ACAP1: variants seen among roughly 807,000 people sequenced by gnomAD.
ACAP1 encodes the protein ArfGAP with coiled-coil, ankyrin repeat and PH domains 1, also known as arf-GAP with coiled-coil, ANK repeat and PH domain-containing protein 1.
In ACAP1, 45 loss-of-function variants were observed where a neutral mutation model predicts 98.8. That is an observed-to-expected ratio of 0.46 (90% CI 0.36 to 0.58). The LOEUF is 0.58. Ranked by LOEUF, ACAP1 falls within the 20% of genes least tolerant of loss-of-function variation. The pLI is 0.00. For synonymous variants in ACAP1, 362 were observed against 375.3 expected, an observed-to-expected ratio of 0.96 and a Z score of 0.41; for missense variants, 735 against 971.4, an observed-to-expected ratio of 0.76 and a Z score of 3.24.
At position 7,337,380 on chromosome 17, in the gene ACAP1, C is replaced by T; in HGVS notation, c.111+11C>T. The T allele has an allele frequency of 1.9e-6, 3 of 1,613,718 alleles. No homozygotes were observed. Among genetic ancestry groups the T allele is most frequent in the Non-Finnish European group, 2.5e-6 (3 of 1,179,644 alleles). ...ACCCGTCTGGAAAAGGTGACCCTGA[C>T]ATGGAGAGGTGACCCAGGAGTGGAT... is the stretch of plus-strand genomic sequence containing the variant. On this transcript the variant is annotated intron_variant, in intron 2 of 21. Coordinates refer to ENST00000158762, the MANE Select transcript of ACAP1 (RefSeq NM_014716.4).
chr17:7,349,924 C>G (rs779195821), intron 18 of ACAP1, 21 bp from the exon 19 acceptor site: 11 of 1,576,218 alleles, frequency 7.0e-6, no homozygotes, highest in Non-Finnish European at 8.6e-6. Context: ...CTCAACCCCC[C>G]TTCTCGACTT....
Position 7,350,725 on chromosome 17 carries a change from C to T in ACAP1, c.2073-225C>T, listed in dbSNP as rs2073398732. On this transcript the variant is annotated intron_variant, in intron 20 of 21. Coordinates refer to ENST00000158762, the MANE Select transcript of ACAP1 (RefSeq NM_014716.4). This position sits in a 1 kb window ranked among gnomAD's most constrained non-coding sequence, Gnocchi z 4.6. Reference sequence around the variant, plus strand: ...CCGGGTTCAAGCGATTCTCCTGTCTCAGCCTCCCCTGAGTAGCTGGGACTA... The same window carrying T: ...CCGGGTTCAAGCGATTCTCCTGTCTTAGCCTCCCCTGAGTAGCTGGGACTA... The T allele has an allele frequency of 4.0e-6, 2 of 505,120 alleles. No individual in the cohort carries two copies. The highest frequency in any genetic ancestry group is 4.1e-5 in the South Asian group (2 of 48,352). 31.3% of individuals were successfully genotyped at this position (505,120 alleles called of 1,614,324 possible).
At chr17:7,351,175 G>T in intron 21 of ACAP1, 120 bp from the exon 22 acceptor site, 1 of 1,099,324 alleles carries the variant, frequency 9.1e-7, no homozygotes. Context: ...CGCAGTGCCC[G>T]CGGCGCGCAC....
At chr17:7,342,188 C>A in intron 3 of ACAP1, 87 bp from the exon 4 acceptor site, 1 of 1,605,032 alleles carries the variant, frequency 6.2e-7, no homozygotes, top group Non-Finnish European at 8.5e-7. Context: ...GGCTGCTGTC[C>A]ATGACAGCCG....
chr17:7,346,597 AT>A (rs1268645585), intron 12 of ACAP1, 106 bp downstream of exon 12: 7 of 1,238,658 alleles, frequency 5.7e-6, no homozygotes, highest in Non-Finnish European at 7.9e-6. Context: ...CCAGACTTTA[AT>A]TTAATTCTTT....
chr17:7,346,406 G>T lies in ACAP1; in HGVS notation c.922G>T (p.Val308Leu), dbSNP rs756746860. 1 of 1,614,040 alleles carries T rather than the reference G, an allele frequency of 6.2e-7. No homozygotes were observed. The highest frequency in any genetic ancestry group is 1.3e-5 in the African/African-American group (1 of 75,036). Reference sequence around the variant, plus strand: ...ATCCTGCCAGGACCCTGTGACTGTGGTGGTGGATGACCTTCGTCTCTGCAC... The same window carrying T: ...ATCCTGCCAGGACCCTGTGACTGTGTTGGTGGATGACCTTCGTCTCTGCAC... Reference protein sequence around the residue: ...QKKYKDPVTVVVDDLRLCTVK... With the variant: ...QKKYKDPVTVLVDDLRLCTVK... The change falls in exon 12 of 22, where the codon GTG becomes TTG. Residue 308 changes from valine (V) to leucine (L), a missense_variant. Physicochemically the swap from Val to Leu is conservative, Grantham distance 32. Around this residue, in one of 5 missense-constraint regions of ACAP1, gnomAD observed 430 missense variants for 531.8 expected, o/e 0.81. Coordinates refer to ENST00000158762, the MANE Select transcript of ACAP1 (RefSeq NM_014716.4).
chr17:7,339,907 A>T (rs561032160), intron 2 of ACAP1, among the ~76,000 whole-genome samples: 1 of 152,056 alleles, frequency 6.6e-6, no homozygotes, highest in South Asian at 2.1e-4. Context: ...AATGTTCCAT[A>T]TATAGAATCA....
intron 1 of ACAP1, 148 bp from the exon 2 acceptor site, chr17:7,337,164 G>A: frequency 1.3e-6 from 1 of 753,808 alleles, no homozygotes; most frequent in Non-Finnish European, 2.3e-6. Context: ...TGCAGAGCGG[G>A]CAGAGCACAA....
rs1054037387 is a variant in ACAP1 at position 7,350,564 on chromosome 17, G to A, written c.2072+327G>A. 4.5e-6 allele frequency: 2 copies of A among 447,444 alleles called. No homozygotes were observed. The highest frequency in any genetic ancestry group is 5.3e-5 in the South Asian group (2 of 38,004). 27.7% of individuals were successfully genotyped at this position (447,444 alleles called of 1,614,324 possible). A position where few individuals can be genotyped will look rare whatever the true frequency, so the allele number is the denominator to read the frequency against. On this transcript the variant is annotated intron_variant, in intron 20 of 21. Coordinates refer to ENST00000158762, the MANE Select transcript of ACAP1 (RefSeq NM_014716.4). This position sits in a 1 kb window ranked among gnomAD's most constrained non-coding sequence, Gnocchi z 4.6. ...GGGGGTGGGGGCAGATGAACGGAAC[G>A]CAACCCAGCTCAAAGGATGGGAAGT...
Position 7,346,916 on chromosome 17 carries a change from C to G in ACAP1, c.1116C>G (p.Pro372=). Residue 372 remains proline, a synonymous_variant, in exon 13 of 22, where the codon CCC becomes CCG. Transcript: ENST00000158762. ...GTCAGGCTCGCCTTGATGACAGCCC[C>G]CGGGGTCCAGGCCAGGTACCTTAAC... is the stretch of plus-strand genomic sequence containing the variant. ...AFSQARLDDS[P]RGPGQGSGHL... is the part of the protein sequence containing the mutation. 1 of 1,612,374 alleles carries G rather than the reference C, an allele frequency of 6.2e-7. No individual in the cohort carries two copies. The highest frequency in any genetic ancestry group is 1.1e-5 in the South Asian group (1 of 91,038).
intron 14 of ACAP1, chr17:7,347,613 G>C (rs1323769167): frequency 3.7e-6 from 2 of 543,574 alleles, no homozygotes; most frequent in African/African-American, 3.8e-5. Context: ...TGGTGGAAGG[G>C]AGGTGACATG....
rs1372471063 is a variant in ACAP1, at chr17:7,342,083, G to T, written c.231+16G>T. 6.2e-6 allele frequency: 10 copies of T among 1,613,026 alleles called. No homozygotes were observed. On this transcript the variant is annotated intron_variant, in intron 3 of 21. Transcript: ENST00000158762. ...CATGATGGCGGTATGCGGAGGGTCTGCATCTGGGAGGGAAGGGGTCTGGGA... is the reference window on the plus strand; with the variant it reads ...CATGATGGCGGTATGCGGAGGGTCTTCATCTGGGAGGGAAGGGGTCTGGGA...
chr17:7,340,406 T>C (rs1177332838), intron 2 of ACAP1, among the ~76,000 whole-genome samples: 1 of 152,232 alleles, frequency 6.6e-6, no homozygotes, highest in East Asian at 1.9e-4. Flanking sequence ...TAGTCCAGTG[T>C]TATGAAAGTT....
chr17:7,351,118 A>T, intron 21 of ACAP1, 119 bp downstream of exon 21: 1 of 1,178,896 alleles, frequency 8.5e-7, no homozygotes, highest in Non-Finnish European at 1.2e-6. Flanking sequence ...ACAAATGCGT[A>T]TTGGGCGCAT....
At position 7,350,300 on chromosome 17, in the gene ACAP1, T is replaced by C. The variant is rs1484181339; in HGVS notation, c.2072+63T>C. 9.2e-6 allele frequency: 11 copies of C among 1,190,688 alleles called. No individual in the cohort carries two copies. In the East Asian group the frequency reaches 1.8e-4, roughly 20 times the overall value. The allele number at this position is 1,190,688 out of a possible 1,614,324, so 73.8% of individuals were successfully genotyped here. ...TCCCCCCACCCCCGCCCACCCACGTTCGGGCGGGCGGGCGGGGCTGACGCC... is the reference window on the plus strand; with the variant it reads ...TCCCCCCACCCCCGCCCACCCACGTCCGGGCGGGCGGGCGGGGCTGACGCC... On this transcript the variant is annotated intron_variant, in intron 20 of 21. Coordinates refer to ENST00000158762, the MANE Select transcript of ACAP1 (RefSeq NM_014716.4). This position sits in a 1 kb window ranked among gnomAD's most constrained non-coding sequence, Gnocchi z 4.6.
Position 7,349,762 on chromosome 17 carries a change from T to C in ACAP1, c.1852-183T>C, listed in dbSNP as rs568711725. ...CAAAAGCTTGTACTATGGATTTATATATGAATACATGCAAAGAGCTAGAGC... is the reference window on the plus strand; with the variant it reads ...CAAAAGCTTGTACTATGGATTTATACATGAATACATGCAAAGAGCTAGAGC... On this transcript the variant is annotated intron_variant, in intron 18 of 21. Transcript: ENST00000158762. 4.5e-4 allele frequency: 247 copies of C among 546,924 alleles called. 4 individuals carry two copies. The South Asian group carries it at 6.6e-3, about 15-fold the overall frequency. The allele number at this position is 546,924 out of a possible 1,614,324, so 33.9% of individuals were successfully genotyped here.
chr17:7,339,954 C>G (rs941463809), intron 2 of ACAP1, among the ~76,000 whole-genome samples: 8 of 152,064 alleles, frequency 5.3e-5, no homozygotes, highest in Non-Finnish European at 1.2e-4. Context: ...GCTTCCCCCT[C>G]CCCCCTCACT....
rs1216356550 is a variant in ACAP1, at chr17:7,341,269, G to GC, written c.112-673dup. ...GGATTCAGGCAGTCCTCCTGCCTTA[G>GC]CCCCCCAGGTAACTGGGATTATAGG... On this transcript the variant is annotated intron_variant, in intron 2 of 21. Transcript: ENST00000158762. 3.3e-5 allele frequency among the ~76,000 whole-genome samples: 5 copies of GC among 152,286 alleles called. No individual in the cohort carries two copies. The East Asian group carries it at 5.8e-4, about 18-fold the overall frequency.
chr17:7,343,555 C>T lies in ACAP1; in HGVS notation c.521C>T (p.Ala174Val), dbSNP rs2073316152. 6.2e-7 allele frequency: 1 copy of T among 1,611,706 alleles called. No homozygotes were observed. Among genetic ancestry groups the T allele is most frequent in the South Asian group, 1.1e-5 (1 of 90,826 alleles). The change falls in exon 6 of 22, where the codon GCC becomes GTC. Residue 174 changes from alanine to valine, a missense_variant. This residue lies in a region of ACAP1 where 430 missense variants were observed against 531.8 expected (regional missense o/e 0.81). Coordinates refer to ENST00000158762, the MANE Select transcript of ACAP1 (RefSeq NM_014716.4). The surrounding 1 kb of genome is among the most constrained non-coding windows in gnomAD (Gnocchi z 4.9). Reference sequence around the variant, plus strand: ...TACCGGGGACGGGCACTGGATTATGCCCTGCAGGTGCCTGCCCCAATCTGT... The same window carrying T: ...TACCGGGGACGGGCACTGGATTATGTCCTGCAGGTGCCTGCCCCAATCTGT... The part of the protein sequence containing the change: ...AGYRGRALDY[A>V]LQINVIEDKR...
Sources: gnomAD v4.1 joint callset for allele counts (sites outside exome capture counted in the v4.1 genomes callset) on GRCh38, gnomAD v4.1.1 for gene constraint, gnomAD v4.1.1 regional missense constraint, Gnocchi (gnomAD v3.1) non-coding constraint, MANE v1.5 for transcripts, NCBI Gene and HGNC (gene_info 2026-07-23, HGNC 2026-07-21) for gene names.